The following PLPP4 variants were observed in gnomAD, a reference collection of about 807,000 sequenced individuals.
PLPP4 encodes the protein phospholipid phosphatase 4, also known as diacylglycerol pyrophosphate like 2.
In PLPP4, 20 loss-of-function variants were observed where a neutral mutation model predicts 32.2. The observed-to-expected ratio is 0.62, with a 90% CI of 0.44 to 0.90. The LOEUF (loss-of-function observed/expected upper bound fraction) is 0.90. PLPP4 is among the 40% of genes least tolerant of loss of function. PLPP4 has a pLI of 0.00. For synonymous variants in PLPP4, 127 were observed against 133.0 expected (o/e 0.95, Z 0.31); for missense variants, 257 against 353.1 (o/e 0.73, Z 2.18).
At chr10:120,494,155 G>A (rs1316659689) in intron 1 of PLPP4, among the ~76,000 whole-genome samples, 1 of 152,158 alleles carries the variant, frequency 6.6e-6, no homozygotes, top group East Asian at 1.9e-4. Flanking sequence ...GGTTTCAGAT[G>A]TCAAAACAAG....
At chr10:120,501,892 C>T (rs1164428197) in intron 1 of PLPP4, among the ~76,000 whole-genome samples, 1 of 152,328 alleles carries the variant, frequency 6.6e-6, no homozygotes, top group South Asian at 2.1e-4. Flanking sequence ...ATTGCAGAGG[C>T]CCTGGGTGGG....
At chr10:120,520,851 T>C (rs768496154) in intron 4 of PLPP4, 120 bp from the exon 5 acceptor site, 2 of 1,198,386 alleles carry the variant, frequency 1.7e-6, no homozygotes, top group Non-Finnish European at 2.4e-6. Context: ...GGAGCTCCAG[T>C]GTTGACAGCC....
intron 6 of PLPP4, among the ~76,000 whole-genome samples, chr10:120,587,708 G>A (rs898964452): frequency 2.6e-5 from 4 of 152,202 alleles, no homozygotes; most frequent in Non-Finnish European, 4.4e-5. Context: ...TGCAATGCAC[G>A]TTTCTAAGCA....
chr10:120,563,999 T>C (rs893635073), intron 5 of PLPP4, among the ~76,000 whole-genome samples: 4 of 152,022 alleles, frequency 2.6e-5, no homozygotes, highest in African/African-American at 9.7e-5. Context: ...TTATTTTCTT[T>C]ATTATTTTTC....
intron 5 of PLPP4, among the ~76,000 whole-genome samples, chr10:120,554,149 A>G (rs976346024): frequency 3.3e-5 from 5 of 152,202 alleles, no homozygotes; most frequent in African/African-American, 1.2e-4. Context: ...TGCTGTTAGC[A>G]GCAGCCAGGT....
At chr10:120,529,663 A>G (rs1309781995) in intron 5 of PLPP4, among the ~76,000 whole-genome samples, 1 of 152,214 alleles carries the variant, frequency 6.6e-6, no homozygotes, top group Non-Finnish European at 1.5e-5. Context: ...CCTTGACAAC[A>G]TAGTAAGACC....
chr10:120,480,052 G>A (rs926470691), intron 1 of PLPP4, among the ~76,000 whole-genome samples: 1 of 152,196 alleles, frequency 6.6e-6, no homozygotes, highest in Admixed American at 6.5e-5. Flanking sequence ...TGTAAAGTAA[G>A]ATCACTCTTA....
At chr10:120,518,615 G>A (rs1318442380) in intron 3 of PLPP4, among the ~76,000 whole-genome samples, 3 of 151,980 alleles carry the variant, frequency 2.0e-5, no homozygotes, top group Non-Finnish European at 4.4e-5. Context: ...CATGTCACAG[G>A]GGCCTAGAAT....
chr10:120,488,940 G>C (rs968836057), intron 1 of PLPP4, among the ~76,000 whole-genome samples: 1 of 152,208 alleles, frequency 6.6e-6, no homozygotes, highest in Non-Finnish European at 1.5e-5. Context: ...AGATAACAGT[G>C]CCTACTTTTC....
intron 5 of PLPP4, among the ~76,000 whole-genome samples, chr10:120,563,316 T>C (rs1241590541): frequency 6.6e-6 from 1 of 152,124 alleles, no homozygotes; most frequent in Non-Finnish European, 1.5e-5. Flanking sequence ...CAAACATAAA[T>C]TGGAAAATAT....
At chr10:120,502,159 TGATGG>T (rs953919819) in intron 1 of PLPP4, among the ~76,000 whole-genome samples, 129 of 152,320 alleles carry the variant, frequency 8.5e-4, no homozygotes, top group African/African-American at 2.9e-3. Context: ...GGTTCTGTGA[TGATGG>T]CACTGCAGGA....
At chr10:120,562,271 T>A (rs1234363754) in intron 5 of PLPP4, among the ~76,000 whole-genome samples, 1 of 152,196 alleles carries the variant, frequency 6.6e-6, no homozygotes, top group African/African-American at 2.4e-5. Context: ...GTGACTTTGG[T>A]ATATTAATTT....
intron 2 of PLPP4, among the ~76,000 whole-genome samples, chr10:120,510,767 AT>A (rs1228163426): frequency 6.6e-6 from 1 of 152,180 alleles, no homozygotes; most frequent in Non-Finnish European, 1.5e-5. Flanking sequence ...TCATTTAAAA[AT>A]GTTTGTGTAC....
intron 5 of PLPP4, among the ~76,000 whole-genome samples, chr10:120,525,494 C>T (rs1466015402): frequency 6.6e-6 from 1 of 152,056 alleles, no homozygotes; most frequent in East Asian, 1.9e-4. Flanking sequence ...AGGTATGTAC[C>T]AGGATGAGCC....
Position 120,508,497 on chromosome 10 carries a change from C to A in PLPP4, c.165+4571C>A, listed in dbSNP as rs1245479144. On this transcript the variant is annotated intron_variant, in intron 2 of 6. Transcript: ENST00000398250. ...CATCGAGGCTGCTCTGGCTTCGATC[C>A]CTTCTGGTTGTTAGAAGTCCTTGGC... is the stretch of plus-strand genomic sequence containing the variant. Among the ~76,000 whole-genome samples the A allele has an allele frequency of 2.6e-5, 4 of 152,300 alleles. No individual in the cohort carries two copies. In the South Asian group the frequency reaches 8.3e-4, roughly 32 times the overall value.
intron 5 of PLPP4, among the ~76,000 whole-genome samples, chr10:120,556,997 A>G (rs544547162): frequency 2.9e-4 from 44 of 151,768 alleles, no homozygotes; most frequent in Admixed American, 3.3e-4. Context: ...CCTCCTCAAA[A>G]CTTTGTAACA....
In PLPP4 at chr10:120,591,825, AT is replaced by A. The variant is rs1400910187; in HGVS notation, c.*2324del. On this transcript the variant is annotated 3_prime_UTR_variant, in exon 7 of 7. Coordinates refer to ENST00000398250, the MANE Select transcript of PLPP4 (RefSeq NM_001030059.3). ...TAACAACAGAGTATTACTAATGCTG[AT>A]AATTACATGGAAAATCCTAATACTG... 2.6e-5 allele frequency among the ~76,000 whole-genome samples: 4 copies of A among 152,226 alleles called. No homozygotes were observed. The highest frequency in any genetic ancestry group is 9.6e-5 in the African/African-American group (4 of 41,466).
chr10:120,541,867 T>C (rs1213554056), intron 5 of PLPP4, among the ~76,000 whole-genome samples: 1 of 151,832 alleles, frequency 6.6e-6, no homozygotes, highest in Non-Finnish European at 1.5e-5. Flanking sequence ...CTTTGTCTCC[T>C]GGGTTCAAGC....
At chr10:120,518,136 G>A (rs1041617563) in intron 3 of PLPP4, among the ~76,000 whole-genome samples, 5 of 152,110 alleles carry the variant, frequency 3.3e-5, no homozygotes, top group East Asian at 1.9e-4. Context: ...TGCCGCCTTC[G>A]GGACAATCTG....
Sources: gnomAD v4.1 joint callset for allele counts (sites outside exome capture counted in the v4.1 genomes callset) on GRCh38, gnomAD v4.1.1 for gene constraint, MANE v1.5 for transcripts, NCBI Gene and HGNC (gene_info 2026-07-23, HGNC 2026-07-21) for gene names.